Variants in KCNQ5 observed in about 807,000 individuals in gnomAD.
KCNQ5 encodes the protein potassium voltage-gated channel subfamily Q member 5, also known as potassium voltage-gated channel subfamily KQT member 5.
A neutral mutation model predicts 98.2 loss-of-function variants in KCNQ5; 30 were observed. The observed-to-expected ratio is 0.31, with a 90% CI of 0.23 to 0.41. The LOEUF (loss-of-function observed/expected upper bound fraction) is 0.41, where lower values mean the gene tolerates loss of function less well. Ranked by LOEUF, KCNQ5 falls within the 10% of genes least tolerant of loss-of-function variation. KCNQ5 has a pLI of 1.00. For synonymous variants in KCNQ5, 458 were observed against 449.4 expected (o/e 1.02, Z -0.24); for missense variants, 835 against 1,182.5 (o/e 0.71, Z 4.31).
chr6:73,131,706 GAATT>G (rs1776249274), intron 9 of KCNQ5, among the ~76,000 whole-genome samples: 1 of 152,150 alleles, frequency 6.6e-6, no homozygotes, highest in African/African-American at 2.4e-5. Context: ...CCTAGCCTGA[GAATT>G]AAAAGATGCA....
chr6:73,008,158 T>G (rs1459046557), intron 2 of KCNQ5, among the ~76,000 whole-genome samples: 4 of 143,228 alleles, frequency 2.8e-5, no homozygotes, highest in Non-Finnish European at 4.7e-5. Context: ...AAAAAAAAAA[T>G]GAACTAAACA....
intron 1 of KCNQ5, among the ~76,000 whole-genome samples, chr6:72,856,495 C>CGT (rs5877338): frequency 1.0e-4 from 15 of 144,266 alleles, no homozygotes; most frequent in African/African-American, 2.8e-4. Flanking sequence ...CACACACACA[C>CGT]GTGTGTGTAT....
intron 1 of KCNQ5, among the ~76,000 whole-genome samples, chr6:72,940,665 G>C (rs1157700545): frequency 6.6e-6 from 1 of 152,156 alleles, no homozygotes; most frequent in South Asian, 2.1e-4. Context: ...CACTTCGATT[G>C]CTTAATAATC....
chr6:72,690,078 GC>G (rs986319150), intron 1 of KCNQ5, among the ~76,000 whole-genome samples: 35 of 151,974 alleles, frequency 2.3e-4, no homozygotes. Flanking sequence ...TTGGAGACCA[GC>G]CTGGCTAACA....
At chr6:73,063,713 TAGATAGATGATA>T (rs1562156268) in intron 3 of KCNQ5, among the ~76,000 whole-genome samples, 6 of 109,480 alleles carry the variant, frequency 5.5e-5, no homozygotes, top group South Asian at 6.5e-4. Context: ...GATAGATAGA[TAGATAGATGATA>T]GATAGATAGA....
chr6:72,743,238 G>A (rs1771220146), intron 1 of KCNQ5, among the ~76,000 whole-genome samples: 1 of 151,790 alleles, frequency 6.6e-6, no homozygotes, highest in Non-Finnish European at 1.5e-5. Context: ...ATAAATAACA[G>A]CATTAATAAA....
At chr6:72,799,525 A>G (rs1158539799) in intron 1 of KCNQ5, among the ~76,000 whole-genome samples, 1 of 152,200 alleles carries the variant, frequency 6.6e-6, no homozygotes, top group Non-Finnish European at 1.5e-5. Context: ...TTATAACTAT[A>G]CACCTAGCTT....
At chr6:73,099,942 G>A (rs1342076037) in intron 5 of KCNQ5, among the ~76,000 whole-genome samples, 2 of 152,106 alleles carry the variant, frequency 1.3e-5, no homozygotes, top group Admixed American at 6.6e-5. Flanking sequence ...CACATGTTAG[G>A]CCACAAAACA....
chr6:72,870,098 G>A (rs1778142999), intron 1 of KCNQ5, among the ~76,000 whole-genome samples: 1 of 152,040 alleles, frequency 6.6e-6, no homozygotes, highest in Admixed American at 6.6e-5. Flanking sequence ...TTATTATTCT[G>A]TTTGACTATT....
At chr6:73,162,206 C>A (rs775591364) in intron 10 of KCNQ5, among the ~76,000 whole-genome samples, 2 of 151,936 alleles carry the variant, frequency 1.3e-5, no homozygotes, top group Non-Finnish European at 2.9e-5. Flanking sequence ...GGATTACAGG[C>A]GTGAGCTGCC....
At chr6:73,105,151 A>G (rs915894821) in intron 5 of KCNQ5, 106 bp from the exon 6 acceptor site, 2 of 583,430 alleles carry the variant, frequency 3.4e-6, no homozygotes, top group Non-Finnish European at 6.1e-6. Flanking sequence ...CACGAACAAG[A>G]TTTGTTGAAT....
chr6:72,840,544 C>A (rs1460251940), intron 1 of KCNQ5, among the ~76,000 whole-genome samples: 1 of 152,100 alleles, frequency 6.6e-6, no homozygotes, highest in Non-Finnish European at 1.5e-5. Flanking sequence ...GAAACTCAAC[C>A]CATACCAGTC....
chr6:72,690,255 A>G (rs746159120), intron 1 of KCNQ5, among the ~76,000 whole-genome samples: 38 of 152,184 alleles, frequency 2.5e-4, no homozygotes, highest in Non-Finnish European at 7.3e-5. Flanking sequence ...AAAAGAAAAG[A>G]AAAAGAAAAC....
At chr6:72,997,820 G>T (rs1337511759) in intron 1 of KCNQ5, among the ~76,000 whole-genome samples, 1 of 143,904 alleles carries the variant, frequency 6.9e-6, no homozygotes, top group Admixed American at 7.0e-5. Context: ...AATTCACAGA[G>T]ATTTCAGTGA....
chr6:73,166,541 ATC>A (rs1777808958), intron 10 of KCNQ5, among the ~76,000 whole-genome samples: 1 of 15,992 alleles, frequency 6.3e-5, no homozygotes, highest in Non-Finnish European at 9.4e-5. Flanking sequence ...TATTACTATC[ATC>A]ATCATTATTG....
chr6:72,747,221 T>C (rs1413821325), intron 1 of KCNQ5, among the ~76,000 whole-genome samples: 1 of 152,206 alleles, frequency 6.6e-6, no homozygotes, highest in Non-Finnish European at 1.5e-5. Context: ...ATCACAGGTA[T>C]TGAATATATC....
chr6:72,998,117 G>A (rs1233436149), intron 1 of KCNQ5, among the ~76,000 whole-genome samples: 1 of 152,202 alleles, frequency 6.6e-6, no homozygotes, highest in Non-Finnish European at 1.5e-5. Context: ...AATGACTCCA[G>A]TGCTTCCCTC....
chr6:72,816,627 A>T (rs1031054250), intron 1 of KCNQ5, among the ~76,000 whole-genome samples: 1 of 152,186 alleles, frequency 6.6e-6, no homozygotes, highest in East Asian at 1.9e-4. Flanking sequence ...TCCACATCAT[A>T]TATCTAGATT....
intron 1 of KCNQ5, among the ~76,000 whole-genome samples, chr6:72,831,621 C>A (rs553055452): frequency 1.2e-3 from 189 of 151,690 alleles, no homozygotes; most frequent in African/African-American, 4.4e-3. Flanking sequence ...GGAGATATAC[C>A]TAATGTAAAT....
Sources: gnomAD v4.1 joint callset for allele counts (sites outside exome capture counted in the v4.1 genomes callset) on GRCh38, gnomAD v4.1.1 for gene constraint, MANE v1.5 for transcripts, NCBI Gene and HGNC (gene_info 2026-07-23, HGNC 2026-07-21) for gene names.